The following NCOR2 variants were observed in gnomAD, a reference collection of about 807,000 sequenced individuals.
NCOR2 encodes CTG repeat protein 26.
A neutral mutation model predicts 262.9 loss-of-function variants in NCOR2; 81 were observed. The ratio of observed to expected loss-of-function variants is 0.31; its 90% CI spans 0.26 to 0.37. NCOR2 has a LOEUF of 0.37. Among genes scored for constraint, NCOR2 ranks in the 10% least tolerant of loss-of-function variants. NCOR2 has a pLI of 1.00. For missense variants in NCOR2, 3,385 were observed against 3,621.4 expected, an observed-to-expected ratio of 0.93 and a Z score of 1.68; for synonymous variants, 1,659 against 1,559.3, an observed-to-expected ratio of 1.06 and a Z score of -1.51.
intron 13 of NCOR2, among the ~76,000 whole-genome samples, chr12:124,406,786 C>T (rs1032682718): frequency 2.0e-5 from 3 of 152,204 alleles, no homozygotes; most frequent in Non-Finnish European, 4.4e-5. Context: ...CAGATCTGGA[C>T]ACTGAACCCA....
chr12:124,398,055 C>T, intron 16 of NCOR2, 64 bp downstream of exon 18: 1 of 1,587,676 alleles, frequency 6.3e-7, no homozygotes, highest in Non-Finnish European at 8.6e-7. Context: ...CCCTCCCCAG[C>T]ACGTGAGCTT....
At chr12:124,496,168 C>T (rs1159145849), upstream of NCOR2, among the ~76,000 whole-genome samples, 1 of 151,978 alleles carries the variant, frequency 6.6e-6, no homozygotes, top group Non-Finnish European at 1.5e-5. The surrounding 1 kb of genome is among the most constrained non-coding windows in gnomAD (Gnocchi z 4.4). Flanking sequence ...AGACACGGCC[C>T]AGCAAGGGAG....
At chr12:124,559,675 G>A (rs982676683) in intron 1 of NCOR2, among the ~76,000 whole-genome samples, 3 of 152,144 alleles carry the variant, frequency 2.0e-5, no homozygotes, top group African/African-American at 7.2e-5. Context: ...ATAAAAATCA[G>A]AGAGCAAGCT....
intron 13 of NCOR2, among the ~76,000 whole-genome samples, chr12:124,403,621 A>G (rs2042102754): frequency 6.6e-6 from 1 of 152,188 alleles, no homozygotes; most frequent in South Asian, 2.1e-4. Flanking sequence ...AAGCCTTTTA[A>G]TGTGTACCAG....
intron 1 of NCOR2, among the ~76,000 whole-genome samples, chr12:124,522,837 T>C (rs563200713): frequency 1.3e-5 from 2 of 152,324 alleles, no homozygotes; most frequent in East Asian, 3.9e-4. Context: ...CCGACAGAGC[T>C]GGAAACAGAC....
At chr12:124,515,764 G>C (rs1827665841) in intron 1 of NCOR2, among the ~76,000 whole-genome samples, 2 of 152,076 alleles carry the variant, frequency 1.3e-5, no homozygotes, top group South Asian at 4.2e-4. Context: ...ATGTGGGTGT[G>C]TGCGTGAGTG....
chr12:124,462,354 A>G (rs1147285), intron 5 of NCOR2, among the ~76,000 whole-genome samples: 145,034 of 152,194 alleles, frequency 0.95, 69,330 homozygotes, highest in East Asian at 1. Flanking sequence ...AAGAAGCCCC[A>G]AGCCCCCAGT....
At chr12:124,476,010 G>A (rs1230170366) in intron 3 of NCOR2, among the ~76,000 whole-genome samples, 1 of 152,184 alleles carries the variant, frequency 6.6e-6, no homozygotes, top group Non-Finnish European at 1.5e-5. Flanking sequence ...AAAAGTGTGT[G>A]TGGAAGAAAA....
Position 124,549,997 on chromosome 12 carries a change from ATCC to A in NCOR2, c.-164-14389_-164-14387del, listed in dbSNP as rs1039431939. 2.6e-5 allele frequency among the ~76,000 whole-genome samples: 4 copies of A among 152,162 alleles called. No homozygotes were observed. Among genetic ancestry groups the A allele is most frequent in the African/African-American group, 7.2e-5 (3 of 41,420 alleles). ...TCCCCTCCTGAGGTCCCTCTCTAAG[ATCC>A]TGTATCGCAGGGGTCTGGCGGGAGT... On this transcript the variant is annotated intron_variant, in intron 1 of 32. Transcript: ENST00000458234. The surrounding 1 kb of genome is among the most constrained non-coding windows in gnomAD (Gnocchi z 4.4).
rs2041157934 is a variant in NCOR2 at position 124,389,843 on chromosome 12, G to C, written c.1877-3956C>G. 6.6e-6 allele frequency among the ~76,000 whole-genome samples: 1 copy of C among 152,168 alleles called. No homozygotes were observed. The highest frequency in any genetic ancestry group is 6.5e-5 in the Admixed American group (1 of 15,286). The stretch of plus-strand genomic sequence containing the variant: ...AGCTGCCCCTTTCGTCCTCCTCCGA[G>C]AGCCCCTGCAGCCGTGAAGGAACAC... On this transcript the variant is annotated intron_variant, in intron 16 of 46. Coordinates refer to ENST00000405201, the Ensembl canonical transcript of NCOR2. The surrounding 1 kb of genome is among the most constrained non-coding windows in gnomAD (Gnocchi z 4.4).
exon 20 of NCOR2, chr12:124,372,027 C>A: frequency 6.3e-7 from 1 of 1,587,854 alleles, no homozygotes; most frequent in Non-Finnish European, 8.6e-7. Context: ...CTCACCGGTT[C>A]TTGTCGCCGC....
rs554423691 is a variant in NCOR2 at position 124,561,640 on chromosome 12, C to A, written c.-165+5668G>T. ...GAACGGACCAGCCCAGAGGGCACAC[C>A]AGGCTAGGTTTGGGAAAAAGGACCA... On this transcript the variant is annotated intron_variant, in intron 1 of 32. Transcript: ENST00000458234. Among the ~76,000 whole-genome samples the A allele has an allele frequency of 2.6e-5, 4 of 152,228 alleles. No homozygotes were observed. In the East Asian group the frequency reaches 7.7e-4, roughly 29 times the overall value.
chr12:124,337,210 T>G lies in NCOR2; in HGVS notation c.5688-30A>C, dbSNP rs2035963640. 3 of 1,547,912 alleles carry G rather than the reference T, an allele frequency of 1.9e-6. No individual in the cohort carries two copies. The East Asian group carries it at 7.3e-5, about 38-fold the overall frequency. On this transcript the variant is annotated intron_variant, in intron 37 of 46. Coordinates refer to ENST00000405201, the Ensembl canonical transcript of NCOR2. ...GGGAGGAGAGAAGGCGGTCAGGCAGTCATGGGAGCTGCCCTCTTCCTCCAC... is the reference window on the plus strand; with the variant it reads ...GGGAGGAGAGAAGGCGGTCAGGCAGGCATGGGAGCTGCCCTCTTCCTCCAC...
chr12:124,471,634 A>G (rs762486538), intron 4 of NCOR2, among the ~76,000 whole-genome samples: 14 of 152,230 alleles, frequency 9.2e-5, no homozygotes, highest in Non-Finnish European at 1.9e-4. Flanking sequence ...TGCAGTGGCA[A>G]TCATGGCTCA....
chr12:124,332,118 A>G (rs886259346), intron 43 of NCOR2: 4 of 618,922 alleles, frequency 6.5e-6, no homozygotes, highest in Admixed American at 5.9e-5. Flanking sequence ...GTAAGCTCCT[A>G]TGGAAAGCCC....
At position 124,547,653 on chromosome 12, in the gene NCOR2, A is replaced by C. The variant is rs572818901; in HGVS notation, c.-164-12042T>G. Among the ~76,000 whole-genome samples the C allele has an allele frequency of 2.0e-5, 3 of 152,336 alleles. No homozygotes were observed. The South Asian group carries it at 6.2e-4, about 32-fold the overall frequency. On this transcript the variant is annotated intron_variant, in intron 1 of 32. Transcript: ENST00000458234. ...CTAAAAGGAGACCCCATCAACATGG[A>C]GTAGGTTCTCCCCAGGTCCCCTCCT...
Position 124,372,165 on chromosome 12 carries a change from C to T in NCOR2, c.2664G>A (p.Glu888=), listed in dbSNP as rs554536239. The change falls in exon 20 of 47, where the codon GAG becomes GAA. Residue 888 remains glutamate (E), a synonymous_variant. Transcript: ENST00000405201. ...CCTTCTTCTCTGCCTTGAGCGCCCC[C>T]TCGGCCGTGGCCTCAGCGGCCTCCG... 3.1e-6 allele frequency: 5 copies of T among 1,601,352 alleles called. No individual in the cohort carries two copies. The Admixed American group carries it at 6.7e-5, about 21-fold the overall frequency.
At chr12:124,546,350 T>A (rs773975591) in intron 1 of NCOR2, among the ~76,000 whole-genome samples, 14 of 152,226 alleles carry the variant, frequency 9.2e-5, no homozygotes, top group Admixed American at 2.0e-4. Flanking sequence ...ACAGTTTCAG[T>A]ATGGTGGTCT....
intron 34 of NCOR2, 60 bp downstream of exon 36, chr12:124,341,763 C>A: frequency 3.2e-6 from 5 of 1,545,088 alleles, no homozygotes; most frequent in Admixed American, 1.8e-5. Context: ...CACAGGGGCA[C>A]GCCCATGTCC....
Sources: gnomAD v4.1 joint callset for allele counts (sites outside exome capture counted in the v4.1 genomes callset) on GRCh38, gnomAD v4.1.1 for gene constraint, Gnocchi (gnomAD v3.1) non-coding constraint, MANE v1.5 for transcripts, NCBI Gene and HGNC (gene_info 2026-07-23, HGNC 2026-07-21) for gene names.